Variants in NDFIP1 observed in about 807,000 individuals in gnomAD.
The protein encoded by NDFIP1 is Nedd4 family interacting protein 1.
NDFIP1 carries 7 observed loss-of-function variants against 28.8 expected under a neutral mutation model. That is an observed-to-expected ratio of 0.24 (90% CI 0.14 to 0.46). NDFIP1 has a LOEUF of 0.46. Among genes scored for constraint, NDFIP1 ranks in the 20% least tolerant of loss-of-function variants. The pLI, the probability that NDFIP1 is intolerant of heterozygous loss-of-function variation, is 0.99. For synonymous variants in NDFIP1, 92 were observed against 101.0 expected, an observed-to-expected ratio of 0.91 and a Z score of 0.53; for missense variants, 194 against 269.1, an observed-to-expected ratio of 0.72 and a Z score of 1.95.
At chr5:142,146,897 G>T (rs888607068) in intron 7 of NDFIP1, among the ~76,000 whole-genome samples, 1 of 152,058 alleles carries the variant, frequency 6.6e-6, no homozygotes, top group African/African-American at 2.4e-5. Flanking sequence ...AATGTTTTTT[G>T]ATATTCTAAA....
intron 7 of NDFIP1, among the ~76,000 whole-genome samples, chr5:142,150,072 T>A (rs1228708986): frequency 1.3e-5 from 2 of 151,468 alleles, no homozygotes; most frequent in Non-Finnish European, 2.9e-5. Context: ...TCCCAGCTAC[T>A]CGGGAGGCTG....
At position 142,108,925 on chromosome 5, in the gene NDFIP1, C is replaced by G. The variant is rs377389842; in HGVS notation, c.-50C>G. 36 of 1,397,600 alleles carry G rather than the reference C, an allele frequency of 2.6e-5. No individual in the cohort carries two copies. The East Asian group carries it at 2.8e-4, about 11-fold the overall frequency. The allele number at this position is 1,397,600 out of a possible 1,614,324, so 86.6% of individuals were successfully genotyped here. A position where few individuals can be genotyped will look rare whatever the true frequency, so the allele number is the denominator to read the frequency against. On this transcript the variant is annotated 5_prime_UTR_variant, in exon 1 of 8. Transcript: ENST00000253814. ...GCTCCCAAGCCGCAGCGGCCGCGCC[C>G]CTTCAGCTAGCTCGCTCGCTCGCTC...
rs958807536 is a variant in NDFIP1 at position 142,140,759 on chromosome 5, A to T, written c.562+130A>T. Reference sequence around the variant, plus strand: ...TTAACAATTAATAATAAACATTTTTAAAATGTTGCTTTCTTAAAAATAGTC... The same window carrying T: ...TTAACAATTAATAATAAACATTTTTTAAATGTTGCTTTCTTAAAAATAGTC... On this transcript the variant is annotated intron_variant, in intron 6 of 7. Transcript: ENST00000253814. The T allele has an allele frequency of 2.1e-5, 15 of 698,120 alleles. No homozygotes were observed. In the African/African-American group the frequency reaches 2.8e-4, roughly 13 times the overall value. 43.2% of individuals were successfully genotyped at this position (698,120 alleles called of 1,614,324 possible). A position where few individuals can be genotyped will look rare whatever the true frequency, so the allele number is the denominator to read the frequency against.
At chr5:142,115,168 A>T (rs1261100498) in intron 1 of NDFIP1, among the ~76,000 whole-genome samples, 3 of 152,230 alleles carry the variant, frequency 2.0e-5, no homozygotes. Flanking sequence ...CAAGAGATTC[A>T]AGTGACATCC....
chr5:142,113,785 A>G (rs924621392), intron 1 of NDFIP1, among the ~76,000 whole-genome samples: 4 of 152,202 alleles, frequency 2.6e-5, no homozygotes, highest in Non-Finnish European at 5.9e-5. Context: ...GGTACCTCTC[A>G]TAAGTGGAAT....
intron 3 of NDFIP1, among the ~76,000 whole-genome samples, chr5:142,132,766 G>A (rs538153238): frequency 2.0e-5 from 3 of 152,278 alleles, no homozygotes; most frequent in African/African-American, 7.2e-5. Flanking sequence ...GATGAACTCC[G>A]TTCTTCCAGC....
At chr5:142,128,766 A>C (rs1041701916) in intron 1 of NDFIP1, among the ~76,000 whole-genome samples, 1 of 152,194 alleles carries the variant, frequency 6.6e-6, no homozygotes, top group Non-Finnish European at 1.5e-5. Flanking sequence ...AAAGTACACT[A>C]TTCTAAAGTA....
chr5:142,125,515 A>C (rs1027137555), intron 1 of NDFIP1, among the ~76,000 whole-genome samples: 1 of 152,074 alleles, frequency 6.6e-6, no homozygotes, highest in African/African-American at 2.4e-5. Context: ...GTGTGCCGCC[A>C]TGCCTGGCTA....
chr5:142,149,600 T>G (rs1039667693), intron 7 of NDFIP1, among the ~76,000 whole-genome samples: 4 of 152,156 alleles, frequency 2.6e-5, no homozygotes, highest in African/African-American at 9.7e-5. Flanking sequence ...TAGCAGTCTT[T>G]CATTTGGAGA....
Position 142,135,758 on chromosome 5 carries a change from T to C in NDFIP1, c.311T>C (p.Phe104Ser), listed in dbSNP as rs1448938486. The stretch of plus-strand genomic sequence containing the variant: ...GAGGATTTTGTGGGTCGGGATGATT[T>C]TGATGATGCTGACCAGCTGAGGATA... The part of the protein sequence containing the change: ...RDEDFVGRDD[F>S]DDADQLRIGN... Residue 104 changes from phenylalanine to serine, a missense_variant, in exon 4 of 8, where the codon TTT becomes TCT. Phe to Ser is a radical substitution (Grantham distance 155). Transcript: ENST00000253814. The C allele has an allele frequency of 3.7e-6, 6 of 1,613,778 alleles. No individual in the cohort carries two copies. Among genetic ancestry groups the C allele is most frequent in the Non-Finnish European group, 5.1e-6 (6 of 1,179,862 alleles).
At chr5:142,127,006 A>G (rs568866264) in intron 1 of NDFIP1, among the ~76,000 whole-genome samples, 1 of 151,850 alleles carries the variant, frequency 6.6e-6, no homozygotes, top group East Asian at 1.9e-4. Context: ...AAAACGCTCT[A>G]TTTTATTTTA....
intron 1 of NDFIP1, among the ~76,000 whole-genome samples, chr5:142,111,116 T>C (rs1180862295): frequency 6.6e-6 from 1 of 152,022 alleles, no homozygotes; most frequent in Non-Finnish European, 1.5e-5. Flanking sequence ...TGTACATTTG[T>C]GTGCAGTTTT....
At chr5:142,129,783 AC>A (rs1445884331) in intron 1 of NDFIP1, among the ~76,000 whole-genome samples, 1 of 151,956 alleles carries the variant, frequency 6.6e-6, no homozygotes, top group Non-Finnish European at 1.5e-5. Flanking sequence ...CTGGTGGCAT[AC>A]GCCTGTAGTC....
In NDFIP1 at chr5:142,108,992, G is replaced by A. The variant is rs1216639160; in HGVS notation, c.18G>A (p.Ala6=). 7 of 1,444,982 alleles carry A rather than the reference G, an allele frequency of 4.8e-6. No homozygotes were observed. Among genetic ancestry groups the A allele is most frequent in the Non-Finnish European group, 6.4e-6 (7 of 1,102,162 alleles). 89.5% of individuals were successfully genotyped at this position (1,444,982 alleles called of 1,614,324 possible). A position where few individuals can be genotyped will look rare whatever the true frequency, so the allele number is the denominator to read the frequency against. ...GCTGCGCCATGGCGTTGGCGTTGGC[G>A]GCGCTGGCGGCGGTCGAGCCGGCCT... MALAL[A]ALAAVEPACG... Residue 6 remains alanine, a synonymous_variant, in exon 1 of 8, where the codon GCG becomes GCA. Coordinates refer to ENST00000253814, the MANE Select transcript of NDFIP1 (RefSeq NM_030571.4).
At chr5:142,111,431 A>T (rs1254947723) in intron 1 of NDFIP1, among the ~76,000 whole-genome samples, 1 of 152,006 alleles carries the variant, frequency 6.6e-6, no homozygotes, top group Non-Finnish European at 1.5e-5. Flanking sequence ...ATTGAAATTT[A>T]TTTCACATAC....
intron 5 of NDFIP1, among the ~76,000 whole-genome samples, chr5:142,138,963 A>G (rs1757300765): frequency 6.6e-6 from 1 of 151,846 alleles, no homozygotes; most frequent in African/African-American, 2.4e-5. Flanking sequence ...CACGCCTGTA[A>G]TCCCAGCACT....
chr5:142,122,190 C>T (rs1757128497), intron 1 of NDFIP1, among the ~76,000 whole-genome samples: 1 of 152,304 alleles, frequency 6.6e-6, no homozygotes. Flanking sequence ...AGTGCCTTTC[C>T]AGTCACTCTC....
chr5:142,127,564 A>G (rs1757183306), intron 1 of NDFIP1, among the ~76,000 whole-genome samples: 2 of 152,196 alleles, frequency 1.3e-5, no homozygotes. Context: ...TTTCTTAGCG[A>G]TGGAGGCATA....
chr5:142,121,300 G>T (rs1757119732), intron 1 of NDFIP1, among the ~76,000 whole-genome samples: 1 of 152,164 alleles, frequency 6.6e-6, no homozygotes, highest in Non-Finnish European at 1.5e-5. Flanking sequence ...TTTCTAAAGA[G>T]ATAAAGGTTG....
Sources: gnomAD v4.1 joint callset for allele counts (sites outside exome capture counted in the v4.1 genomes callset) on GRCh38, gnomAD v4.1.1 for gene constraint, MANE v1.5 for transcripts, NCBI Gene and HGNC (gene_info 2026-07-23, HGNC 2026-07-21) for gene names.